ANO1: variants seen among roughly 807,000 people sequenced by gnomAD.
ANO1 encodes the protein anoctamin 1.
ANO1 carries 59 observed loss-of-function variants against 124.0 expected under a neutral mutation model. The observed-to-expected ratio is 0.48, with a 90% confidence interval of 0.39 to 0.59. The LOEUF (loss-of-function observed/expected upper bound fraction) is 0.59. Among genes scored for constraint, ANO1 ranks in the 20% least tolerant of loss-of-function variants. ANO1 has a pLI of 0.00. For synonymous variants in ANO1, 529 were observed against 532.0 expected (o/e 0.99, Z 0.08); for missense variants, 1,059 against 1,328.0 (o/e 0.80, Z 3.15).
intron 22 of ANO1, among the ~76,000 whole-genome samples, chr11:70,177,694 G>T (rs1194450890): frequency 6.8e-6 from 1 of 147,276 alleles, no homozygotes. Flanking sequence ...CCGCCCCCCG[G>T]GTTCAAGCGA....
chr11:69,985,953 C>T (rs1347967961), exon 1 of ANO1: 9 of 152,132 alleles, frequency 5.9e-5, no homozygotes, highest in Non-Finnish European at 1.2e-4. Context: ...CGGCTTCGCT[C>T]CTGCCTCTGG....
intron 11 of ANO1, among the ~76,000 whole-genome samples, chr11:70,140,848 A>T (rs1294363172): frequency 6.6e-6 from 1 of 152,204 alleles, no homozygotes; most frequent in African/African-American, 2.4e-5. Flanking sequence ...CTTAGTAAAC[A>T]TTATCAATCT....
At chr11:70,024,125 C>A (rs1246952474) in intron 1 of ANO1, among the ~76,000 whole-genome samples, 2 of 152,228 alleles carry the variant, frequency 1.3e-5, no homozygotes, top group Non-Finnish European at 2.9e-5. Flanking sequence ...ATGGCAGGCA[C>A]AGCTCCTGGC....
chr11:70,028,065 AC>A (rs1182083997), intron 1 of ANO1, among the ~76,000 whole-genome samples: 1 of 152,200 alleles, frequency 6.6e-6, no homozygotes, highest in Non-Finnish European at 1.5e-5. Context: ...AAGTTAAGGT[AC>A]TACTGATTTC....
At chr11:70,138,426 A>G (rs2047028549) in intron 11 of ANO1, among the ~76,000 whole-genome samples, 1 of 151,446 alleles carries the variant, frequency 6.6e-6, no homozygotes, top group South Asian at 2.1e-4. Flanking sequence ...GAATCGCTTG[A>G]ACCCAGGAGG....
In ANO1 at chr11:70,017,032, A is replaced by C. The variant is rs146413948; in HGVS notation, c.58+30866A>C. Among the ~76,000 whole-genome samples, 696 of 152,322 alleles carry C rather than the reference A, an allele frequency of 4.6e-3. 2 individuals carry two copies. Among genetic ancestry groups the C allele is most frequent in the African/African-American group, 0.016 (667 of 41,558 alleles). On this transcript the variant is annotated intron_variant, in intron 1 of 27. Transcript: ENST00000531349. ...TCTAGAATCCAGGCTGCCGGGGGCAAGGATTCCTGTCTGCAGGGCTCACTG... is the reference window on the plus strand; with the variant it reads ...TCTAGAATCCAGGCTGCCGGGGGCACGGATTCCTGTCTGCAGGGCTCACTG...
At chr11:70,095,785 C>G (rs2044928936) in intron 2 of ANO1, among the ~76,000 whole-genome samples, 2 of 152,256 alleles carry the variant, frequency 1.3e-5, no homozygotes, top group Admixed American at 1.3e-4. Flanking sequence ...CCAGCATCTT[C>G]TTGCACCAGC....
intron 8 of ANO1, among the ~76,000 whole-genome samples, chr11:70,119,533 T>C (rs985294679): frequency 6.2e-5 from 9 of 144,042 alleles, no homozygotes; most frequent in African/African-American, 2.4e-4. Flanking sequence ...GATGGATGGA[T>C]AAATGGATGG....
intron 1 of ANO1, among the ~76,000 whole-genome samples, chr11:70,018,701 G>T (rs1280603160): frequency 1.3e-5 from 2 of 152,226 alleles, no homozygotes; most frequent in African/African-American, 2.4e-5. Flanking sequence ...TGTTGCTGCA[G>T]CAGGATGTAG....
chr11:70,085,957 TGG>T (rs1464377859), intron 1 of ANO1, among the ~76,000 whole-genome samples: 2 of 152,334 alleles, frequency 1.3e-5, no homozygotes, highest in East Asian at 3.9e-4. Context: ...GGCGACCACG[TGG>T]GGGGACCCTC....
intron 12 of ANO1, among the ~76,000 whole-genome samples, chr11:70,151,451 A>G (rs2047599466): frequency 6.6e-6 from 1 of 152,102 alleles, no homozygotes; most frequent in Non-Finnish European, 1.5e-5. Context: ...AATTAGAAAG[A>G]TTCAAATAGA....
chr11:70,184,385 C>T (rs762378275), intron 24 of ANO1, among the ~76,000 whole-genome samples: 1 of 152,252 alleles, frequency 6.6e-6, no homozygotes, highest in Admixed American at 6.5e-5. Context: ...ATGGGGCAAG[C>T]CTCCTTCCTG....
intron 12 of ANO1, among the ~76,000 whole-genome samples, chr11:70,152,191 C>G (rs1470302563): frequency 6.6e-6 from 1 of 152,022 alleles, no homozygotes; most frequent in East Asian, 1.9e-4. Context: ...AAAAAATTAG[C>G]CGGGCGTGGT....
intron 22 of ANO1, among the ~76,000 whole-genome samples, chr11:70,178,207 C>T (rs967602710): frequency 6.6e-6 from 1 of 152,236 alleles, no homozygotes; most frequent in Non-Finnish European, 1.5e-5. Context: ...AGCCCTGACA[C>T]CCAGCCAGGA....
chr11:70,002,586 C>T (rs187171998), intron 1 of ANO1, among the ~76,000 whole-genome samples: 5 of 152,076 alleles, frequency 3.3e-5, no homozygotes, highest in South Asian at 2.1e-4. Flanking sequence ...CCTAGCTGTG[C>T]GGTGGCTACG....
intron 22 of ANO1, 76 bp from the exon 23 acceptor site, chr11:70,179,928 G>A (rs1359841854): frequency 9.3e-6 from 13 of 1,397,758 alleles, no homozygotes; most frequent in African/African-American, 2.8e-5. Context: ...GGTGGTACCC[G>A]CTCAGACTGC....
upstream of ANO1, among the ~76,000 whole-genome samples, chr11:69,981,700 A>G (rs1855961194): frequency 6.6e-6 from 1 of 152,136 alleles, no homozygotes; most frequent in East Asian, 1.9e-4. Context: ...GCAGCCACTG[A>G]GCTCTCTGCC....
chr11:70,131,872 C>T, intron 10 of ANO1, 47 bp from the exon 11 acceptor site: 1 of 1,570,484 alleles, frequency 6.4e-7, no homozygotes, highest in Non-Finnish European at 8.6e-7. Flanking sequence ...GGAGGTGCTC[C>T]ATCATGGCCC....
At position 70,149,792 on chromosome 11, in the gene ANO1, G is replaced by A; in HGVS notation, c.1341G>A (p.Glu447=). ...RWDLTGFEEE[E]EAVKDHPRAE... is the part of the protein sequence containing the mutation. ...ACCTCACGGGCTTTGAAGAGGAAGAGGTCAGTGGGTTTGCCGCCGTGCATA... is the reference window on the plus strand; with the variant it reads ...ACCTCACGGGCTTTGAAGAGGAAGAAGTCAGTGGGTTTGCCGCCGTGCATA... The change falls in exon 12 of 26, where the codon GAG becomes GAA. Residue 447 remains glutamate (E), a splice_region_variant and synonymous_variant. Coordinates refer to ENST00000355303, the MANE Select transcript of ANO1 (RefSeq NM_018043.7). 2 of 1,613,474 alleles carry A rather than the reference G, an allele frequency of 1.2e-6. No individual in the cohort carries two copies. Among genetic ancestry groups the A allele is most frequent in the Non-Finnish European group, 1.7e-6 (2 of 1,179,730 alleles).
Sources: gnomAD v4.1 joint callset for allele counts (sites outside exome capture counted in the v4.1 genomes callset) on GRCh38, gnomAD v4.1.1 for gene constraint, MANE v1.5 for transcripts, NCBI Gene and HGNC (gene_info 2026-07-23, HGNC 2026-07-21) for gene names.